SNX4: variants seen among roughly 807,000 people sequenced by gnomAD.
SNX4 encodes sorting nexin-4.
In SNX4, 49 loss-of-function variants were observed where a neutral mutation model predicts 70.8. The observed-to-expected ratio is 0.69, with a 90% CI of 0.55 to 0.88. The LOEUF (loss-of-function observed/expected upper bound fraction) is 0.88, where lower values mean the gene tolerates loss of function less well. Ranked by LOEUF, SNX4 falls within the 40% of genes least tolerant of loss-of-function variation. The probability of loss-of-function intolerance (pLI) is 0.00; values close to 1 mark genes in which losing one functional copy is unlikely to be tolerated. For synonymous variants in SNX4, 206 were observed against 183.8 expected, an observed-to-expected ratio of 1.12 and a Z score of -0.98; for missense variants, 528 against 544.8, an observed-to-expected ratio of 0.97 and a Z score of 0.31.
chr3:125,480,786 G>C (rs1394587441), intron 6 of SNX4, among the ~76,000 whole-genome samples: 1 of 152,060 alleles, frequency 6.6e-6, no homozygotes, highest in Non-Finnish European at 1.5e-5. Flanking sequence ...AAGCTTCACA[G>C]ATAAACAAAA....
chr3:125,506,632 A>G lies in SNX4; in HGVS notation c.142-1888T>C, dbSNP rs142900223. Among the ~76,000 whole-genome samples, 329 of 151,116 alleles carry G rather than the reference A, an allele frequency of 2.2e-3. 2 individuals are homozygous for G. The highest frequency in any genetic ancestry group is 7.3e-3 in the African/African-American group (301 of 41,206). ...GGGATTCTCCTGCCTTAGCCTCCAGAGTAGCTGAGACTACAGGCCATGTTG... is the reference window on the plus strand; with the variant it reads ...GGGATTCTCCTGCCTTAGCCTCCAGGGTAGCTGAGACTACAGGCCATGTTG... On this transcript the variant is annotated intron_variant, in intron 1 of 13. Coordinates refer to ENST00000251775, the MANE Select transcript of SNX4 (RefSeq NM_003794.4).
Position 125,498,196 on chromosome 3 carries a change from T to C in SNX4, c.264-2A>G. The C allele has an allele frequency of 6.2e-7, 1 of 1,612,202 alleles. No individual in the cohort carries two copies. Among genetic ancestry groups the C allele is most frequent in the Non-Finnish European group, 8.5e-7 (1 of 1,179,286 alleles). ...TGACCATCGGTATGTTCAACTGACCTGAAAAGGAACAGAACAACACTTGTT... is the reference window on the plus strand; with the variant it reads ...TGACCATCGGTATGTTCAACTGACCCGAAAAGGAACAGAACAACACTTGTT... On this transcript the variant is annotated splice_acceptor_variant, in intron 2 of 13. Coordinates refer to ENST00000251775, the MANE Select transcript of SNX4 (RefSeq NM_003794.4). LOFTEE classifies it high-confidence loss of function.
chr3:125,462,667 G>A (rs1214810547), intron 9 of SNX4, among the ~76,000 whole-genome samples: 1 of 144,456 alleles, frequency 6.9e-6, no homozygotes, highest in Non-Finnish European at 1.5e-5. Context: ...ATATAAAATT[G>A]TATGAAATAC....
At chr3:125,471,069 G>A (rs1455880186) in intron 8 of SNX4, among the ~76,000 whole-genome samples, 1 of 152,040 alleles carries the variant, frequency 6.6e-6, no homozygotes, top group African/African-American at 2.4e-5. Flanking sequence ...TTTTGGCAAG[G>A]CATGATGGCT....
chr3:125,465,689 C>T (rs1933994081), intron 9 of SNX4, among the ~76,000 whole-genome samples: 1 of 152,068 alleles, frequency 6.6e-6, no homozygotes, highest in Non-Finnish European at 1.5e-5. Context: ...GTCACCTAGG[C>T]TGGAGTGCAG....
chr3:125,489,312 A>C, intron 6 of SNX4, 96 bp downstream of exon 6: 1 of 899,656 alleles, frequency 1.1e-6, no homozygotes, highest in Non-Finnish European at 1.8e-6. Context: ...TAAACTATTT[A>C]GCAAATAAAG....
intron 7 of SNX4, among the ~76,000 whole-genome samples, chr3:125,479,458 G>C (rs983619493): frequency 6.6e-6 from 1 of 152,102 alleles, no homozygotes; most frequent in Non-Finnish European, 1.5e-5. Flanking sequence ...AGGAGGCTGA[G>C]GCAGGAGAAC....
At chr3:125,496,329 A>C (rs1205476635) in intron 5 of SNX4, among the ~76,000 whole-genome samples, 2 of 152,120 alleles carry the variant, frequency 1.3e-5, no homozygotes, top group African/African-American at 2.4e-5. Flanking sequence ...TATAAATTAG[A>C]ATCAGTTTAT....
Position 125,495,275 on chromosome 3 carries a change from T to TATATACACACAC in SNX4, c.597+2065_597+2066insGTGTGTGTATAT. Among the ~76,000 whole-genome samples, 52 of 83,046 alleles carry TATATACACACAC rather than the reference T, an allele frequency of 6.3e-4. 1 individual carries two copies. Among genetic ancestry groups the TATATACACACAC allele is most frequent in the Non-Finnish European group, 1.0e-3 (39 of 38,208 alleles). 54.5% of individuals were successfully genotyped at this position (83,046 alleles called of 152,430 possible). A position where few individuals can be genotyped will look rare whatever the true frequency, so the allele number is the denominator to read the frequency against. ...TTATATATATATATATATATATATA[T>TATATACACACAC]ATACACATACACACACACACACGTA... On this transcript the variant is annotated intron_variant, in intron 5 of 13. Transcript: ENST00000251775.
chr3:125,471,245 G>A (rs772647163), intron 8 of SNX4, among the ~76,000 whole-genome samples: 1 of 150,616 alleles, frequency 6.6e-6, no homozygotes, highest in Non-Finnish European at 1.5e-5. Flanking sequence ...TCGAGAGGCT[G>A]AGGTGGGAGA....
intron 9 of SNX4, among the ~76,000 whole-genome samples, chr3:125,466,309 A>C (rs1934015736): frequency 6.6e-6 from 1 of 151,908 alleles, no homozygotes; most frequent in Non-Finnish European, 1.5e-5. Context: ...CTCAAGATAG[A>C]CTAAGGACTT....
Position 125,504,703 on chromosome 3 carries a change from ACTGATTT to A in SNX4, c.176_182del (p.Glu59ValfsTer14). 1 of 1,613,954 alleles carries A rather than the reference ACTGATTT, an allele frequency of 6.2e-7. No individual in the cohort carries two copies. The highest frequency in any genetic ancestry group is 8.5e-7 in the Non-Finnish European group (1 of 1,179,926). On this transcript the variant is annotated frameshift_variant, in exon 2 of 14. Coordinates refer to ENST00000251775, the MANE Select transcript of SNX4 (RefSeq NM_003794.4). LOFTEE classifies it high-confidence loss of function. ...CAGTTCGTTTTTCTGCTTCTGAAAC[ACTGATTT>A]CTATCTTCTTCAACCAAAAATTATT...
In SNX4 at chr3:125,497,343, T is replaced by G. The variant is rs1934818458; in HGVS notation, c.595A>C (p.Lys199Gln). The change falls in exon 5 of 14, where the codon AAG becomes CAG. Residue 199 changes from lysine (K) to glutamine (Q), a missense_variant and splice_region_variant. Around this residue, in one of 3 missense-constraint regions of SNX4, gnomAD observed 341 missense variants for 312.2 expected, o/e 1.09. Transcript: ENST00000251775. ...AAATTTCATATAAATATTCTTACCT[T>G]CAGCTGAAACCCAGTTTCATTCACA... ...ETVNETGFQL[K>Q]ADSRLKALNA... is the part of the protein sequence containing the mutation. 2 of 1,605,214 alleles carry G rather than the reference T, an allele frequency of 1.2e-6. No individual in the cohort carries two copies. The highest frequency in any genetic ancestry group is 2.7e-5 in the African/African-American group (2 of 74,744).
chr3:125,475,253 A>G (rs1284608907), intron 8 of SNX4, among the ~76,000 whole-genome samples: 1 of 151,904 alleles, frequency 6.6e-6, no homozygotes, highest in East Asian at 1.9e-4. Context: ...TTAAATCTCT[A>G]TCTCACATCT....
At chr3:125,515,704 G>A (rs1454405272) in intron 1 of SNX4, among the ~76,000 whole-genome samples, 1 of 150,230 alleles carries the variant, frequency 6.7e-6, no homozygotes, top group Admixed American at 6.7e-5. Context: ...TTTGTACTGT[G>A]AATCACCTTC....
intron 2 of SNX4, among the ~76,000 whole-genome samples, chr3:125,501,522 AG>A: frequency 6.6e-6 from 1 of 151,924 alleles, no homozygotes; most frequent in East Asian, 1.9e-4. Context: ...TGGGAAGCTG[AG>A]GTGGGAGAAT....
chr3:125,467,244 G>A lies in SNX4; in HGVS notation c.854+2210C>T, dbSNP rs187092519. Among the ~76,000 whole-genome samples, 19 of 152,002 alleles carry A rather than the reference G, an allele frequency of 1.2e-4. No individual in the cohort carries two copies. In the East Asian group the frequency reaches 1.7e-3, roughly 14 times the overall value. On this transcript the variant is annotated intron_variant, in intron 9 of 13. Coordinates refer to ENST00000251775, the MANE Select transcript of SNX4 (RefSeq NM_003794.4). ...TCTACTAAAAATACCAAAATTAGCC[G>A]GGTGTGGTGGTGGGCGCCTGTAATC...
intron 1 of SNX4, among the ~76,000 whole-genome samples, chr3:125,512,283 C>T (rs1341885926): frequency 1.3e-5 from 2 of 152,162 alleles, no homozygotes; most frequent in Non-Finnish European, 2.9e-5. Context: ...GTGACAAATT[C>T]GCTGAATTCT....
At chr3:125,490,185 T>C (rs1221398377) in intron 5 of SNX4, among the ~76,000 whole-genome samples, 3 of 151,512 alleles carry the variant, frequency 2.0e-5, no homozygotes, top group African/African-American at 4.8e-5. Flanking sequence ...CCAAAGCAAA[T>C]GTACATTGGT....
Sources: allele counts gnomAD v4.1 joint callset (sites outside exome capture counted in the v4.1 genomes callset), GRCh38; gene constraint gnomAD v4.1.1; regional missense constraint gnomAD v4.1.1; transcripts MANE v1.5; gene names NCBI Gene and HGNC (gene_info 2026-07-23, HGNC 2026-07-21).